Variants in FNIP1 observed in about 807,000 individuals in gnomAD.
The protein encoded by FNIP1 is folliculin-interacting protein 1.
Under a neutral mutation model 124.5 loss-of-function variants are expected in FNIP1, and 40 were observed. The ratio of observed to expected loss-of-function variants is 0.32; its 90% CI spans 0.25 to 0.42. The LOEUF (loss-of-function observed/expected upper bound fraction) is 0.42. Ranked by LOEUF, FNIP1 falls within the 10% of genes least tolerant of loss-of-function variation. The probability of loss-of-function intolerance (pLI) is 1.00; values close to 1 mark genes in which losing one functional copy is unlikely to be tolerated. For synonymous variants in FNIP1, 472 were observed against 470.6 expected, an observed-to-expected ratio of 1.00 and a Z score of -0.04; for missense variants, 1,176 against 1,403.7, an observed-to-expected ratio of 0.84 and a Z score of 2.59.
intron 2 of FNIP1, among the ~76,000 whole-genome samples, chr5:131,736,368 G>T (rs1305667174): frequency 1.3e-5 from 2 of 152,174 alleles, no homozygotes; most frequent in Non-Finnish European, 2.9e-5. Flanking sequence ...AAGGTTACAA[G>T]AGCTAGTAAA....
chr5:131,770,547 G>A (rs1199127982), intron 1 of FNIP1, among the ~76,000 whole-genome samples: 1 of 152,146 alleles, frequency 6.6e-6, no homozygotes, highest in African/African-American at 2.4e-5. Flanking sequence ...CAGACAATAT[G>A]CTGAAACCAA....
At chr5:131,712,136 T>C (rs1370725594) in intron 6 of FNIP1, among the ~76,000 whole-genome samples, 1 of 152,174 alleles carries the variant, frequency 6.6e-6, no homozygotes, top group Admixed American at 6.5e-5. Context: ...GCTGTCATGT[T>C]ATTCAAGCCT....
intron 3 of FNIP1, among the ~76,000 whole-genome samples, chr5:131,722,622 A>T (rs1395342298): frequency 6.6e-6 from 1 of 152,158 alleles, no homozygotes; most frequent in Non-Finnish European, 1.5e-5. Context: ...AAATATTTGT[A>T]CTTTTCTTTA....
chr5:131,712,973 T>C (rs111916225), intron 6 of FNIP1, among the ~76,000 whole-genome samples: 4 of 152,344 alleles, frequency 2.6e-5, no homozygotes, highest in African/African-American at 9.6e-5. Flanking sequence ...TTGATGCTGA[T>C]TATATTACAC....
chr5:131,656,987 A>T (rs1767210847), intron 15 of FNIP1, among the ~76,000 whole-genome samples: 2 of 151,952 alleles, frequency 1.3e-5, no homozygotes, highest in South Asian at 4.1e-4. Flanking sequence ...TGAAAAACAA[A>T]AACTCTTTTT....
In FNIP1 at chr5:131,735,661, T is replaced by C. The variant is rs1770275671; in HGVS notation, c.220-4623A>G. On this transcript the variant is annotated intron_variant, in intron 2 of 17. Transcript: ENST00000510461. ...ATACGTATATATGCACATATATATG[T>C]ATATATACGTATAAAATATGTATAT... Among the ~76,000 whole-genome samples, 4 of 149,936 alleles carry C rather than the reference T, an allele frequency of 2.7e-5. No homozygotes were observed. The South Asian group carries it at 8.3e-4, about 31-fold the overall frequency.
intron 15 of FNIP1, among the ~76,000 whole-genome samples, chr5:131,668,718 C>G (rs917074096): frequency 6.6e-6 from 1 of 152,070 alleles, no homozygotes; most frequent in Non-Finnish European, 1.5e-5. Context: ...TAAGAACAAA[C>G]AGGAAATATT....
chr5:131,745,858 T>C (rs1770660244), intron 1 of FNIP1, among the ~76,000 whole-genome samples: 1 of 152,198 alleles, frequency 6.6e-6, no homozygotes, highest in Non-Finnish European at 1.5e-5. Context: ...TCATACTTAG[T>C]TTTTAAACTA....
rs530626141 is a variant in FNIP1, at chr5:131,704,202, T to G, written c.979A>C (p.Lys327Gln). ...SCGPNPGIVR[K>Q]KKIAIGVIFS... The stretch of plus-strand genomic sequence containing the variant: ...ATTACCCCAATTGCAATCTTCTTTT[T>G]CCGCACAATTCCTGGGTTAGGGCCA... Residue 327 changes from lysine (K) to glutamine (Q), a missense_variant, in exon 10 of 18, where the codon AAA becomes CAA. Transcript: ENST00000510461. 1.2e-6 allele frequency: 2 copies of G among 1,613,772 alleles called. No individual in the cohort carries two copies. Among genetic ancestry groups the G allele is most frequent in the Non-Finnish European group, 1.7e-6 (2 of 1,179,794 alleles).
intron 1 of FNIP1, among the ~76,000 whole-genome samples, chr5:131,754,938 A>G (rs772160699): frequency 2.0e-5 from 3 of 152,234 alleles, no homozygotes; most frequent in Non-Finnish European, 2.9e-5. Context: ...ATAGGACCTG[A>G]AGACTATATG....
chr5:131,729,339 G>A (rs1769996146), intron 3 of FNIP1, among the ~76,000 whole-genome samples: 1 of 152,196 alleles, frequency 6.6e-6, no homozygotes, highest in South Asian at 2.1e-4. Context: ...TTATCTATAA[G>A]CCCCTGACTG....
chr5:131,761,486 G>GA lies in FNIP1; in HGVS notation c.93-16797dup, dbSNP rs993443313. 2.6e-5 allele frequency among the ~76,000 whole-genome samples: 4 copies of GA among 152,014 alleles called. No individual in the cohort carries two copies. In the Middle Eastern group the frequency reaches 0.01, roughly 388 times the overall value. ...TCTATATGCCACCAGTGACCAATCT[G>GA]AAAAAAGGTTTTTTAAAGTAATCCC... On this transcript the variant is annotated intron_variant, in intron 1 of 17. Coordinates refer to ENST00000510461, the MANE Select transcript of FNIP1 (RefSeq NM_133372.3).
intron 6 of FNIP1, among the ~76,000 whole-genome samples, chr5:131,714,213 C>T (rs566452464): frequency 6.6e-6 from 1 of 152,310 alleles, no homozygotes; most frequent in East Asian, 1.9e-4. Flanking sequence ...AAATACTTCC[C>T]AGGGCCTTGC....
chr5:131,795,446 A>C (rs1772551877), intron 1 of FNIP1, among the ~76,000 whole-genome samples: 1 of 152,240 alleles, frequency 6.6e-6, no homozygotes, highest in Admixed American at 6.5e-5. Flanking sequence ...TTGTCCAGAA[A>C]TAGAAAGCAG....
At chr5:131,658,907 C>CAAAA (rs70974003) in intron 15 of FNIP1, among the ~76,000 whole-genome samples, 5,863 of 40,738 alleles carry the variant, frequency 0.14, 1,198 homozygotes, top group Non-Finnish European at 0.18. Flanking sequence ...TGGGTCTAGC[C>CAAAA]AAAAAAAAAA....
chr5:131,756,237 T>C (rs895623586), intron 1 of FNIP1, among the ~76,000 whole-genome samples: 2 of 152,036 alleles, frequency 1.3e-5, no homozygotes, highest in African/African-American at 4.8e-5. Flanking sequence ...TAATATTCCA[T>C]GTAAAAAAGG....
chr5:131,767,906 AT>A (rs1464824686), intron 1 of FNIP1, among the ~76,000 whole-genome samples: 1 of 152,150 alleles, frequency 6.6e-6, no homozygotes, highest in Non-Finnish European at 1.5e-5. Context: ...CTACATCTTA[AT>A]ATACTAAATG....
chr5:131,699,014 T>C lies in FNIP1; in HGVS notation c.1117-12A>G. The stretch of plus-strand genomic sequence containing the variant: ...CTCATTTTCATAGCCTTGAAAACAA[T>C]CATTGAGATAGTTAATTCTTATGTT... On this transcript the variant is annotated splice_polypyrimidine_tract_variant and intron_variant, in intron 10 of 17. Transcript: ENST00000510461. 2 of 1,597,980 alleles carry C rather than the reference T, an allele frequency of 1.3e-6. No homozygotes were observed. The highest frequency in any genetic ancestry group is 1.7e-6 in the Non-Finnish European group (2 of 1,174,420).
At chr5:131,719,698 G>A (rs545348417) in intron 3 of FNIP1, among the ~76,000 whole-genome samples, 1 of 152,018 alleles carries the variant, frequency 6.6e-6, no homozygotes, top group Admixed American at 6.6e-5. Context: ...CTTTACTCAC[G>A]GGCATTTAAG....
Sources: allele counts gnomAD v4.1 joint callset (sites outside exome capture counted in the v4.1 genomes callset), GRCh38; gene constraint gnomAD v4.1.1; transcripts MANE v1.5; gene names NCBI Gene and HGNC (gene_info 2026-07-23, HGNC 2026-07-21).